Variants in ERCC8 observed in about 807,000 individuals in gnomAD.
The protein encoded by ERCC8 is ERCC excision repair 8, CSA ubiquitin ligase complex subunit, also known as DNA excision repair protein ERCC-8.
Under a neutral mutation model 54.9 loss-of-function variants are expected in ERCC8, and 52 were observed. The observed-to-expected ratio is 0.95, with a 90% CI of 0.76 to 1.19. The LOEUF is 1.19. ERCC8 is among the 50% of genes most tolerant of loss of function. The pLI, the probability that ERCC8 is intolerant of heterozygous loss-of-function variation, is 0.00. For missense variants in ERCC8, 514 were observed against 466.1 expected, an observed-to-expected ratio of 1.10 and a Z score of -0.95; for synonymous variants, 146 against 157.2, an observed-to-expected ratio of 0.93 and a Z score of 0.53.
At chr5:60,892,812 AC>A in intron 9 of ERCC8, 1 of 678,314 alleles carries the variant, frequency 1.5e-6, no homozygotes. Context: ...GAATTTCGTG[AC>A]CCCAGGAATG....
chr5:60,919,352 T>C (rs1005901046), intron 3 of ERCC8: 2 of 151,972 alleles, frequency 1.3e-5, no homozygotes, highest in Admixed American at 6.6e-5. Flanking sequence ...TCTCCAATCT[T>C]GTATATGTTT....
At chr5:60,903,259 TAA>T (rs2112492186) in intron 6 of ERCC8, 1 of 176,812 alleles carries the variant, frequency 5.7e-6, no homozygotes, top group African/African-American at 2.4e-5. Flanking sequence ...TATATTTTTC[TAA>T]AATATTTTTA....
rs192121709 is a variant in ERCC8 at position 60,912,650 on chromosome 5, G to A, written c.399+5615C>T. On this transcript the variant is annotated intron_variant, in intron 4 of 11. Coordinates refer to ENST00000676185, the MANE Select transcript of ERCC8 (RefSeq NM_000082.4). ...TATGTTAAATAGGAGTGGTGAGAGA[G>A]GGCATCCCTGTCTTGTGCCAGTTTT... Among the ~76,000 whole-genome samples, 1,108 of 152,222 alleles carry A rather than the reference G, an allele frequency of 7.3e-3. 19 individuals carry two copies. The highest frequency in any genetic ancestry group is 0.026 in the African/African-American group (1,062 of 41,490).
chr5:60,872,702 C>A lies in ERCC8; in HGVS notation c.*1913G>T, dbSNP rs759417554. On this transcript the variant is annotated 3_prime_UTR_variant, in exon 12 of 12. Coordinates refer to ENST00000676185, the MANE Select transcript of ERCC8 (RefSeq NM_000082.4). ...TATTGTGAAGAAAAAGGAATTCTTG[C>A]ATATTCTTGGTAGGAATGTAAATTA... 3.9e-5 allele frequency among the ~76,000 whole-genome samples: 6 copies of A among 152,132 alleles called. No individual in the cohort carries two copies. Among genetic ancestry groups the A allele is most frequent in the Non-Finnish European group, 8.8e-5 (6 of 68,014 alleles).
At chr5:60,877,989 TATG>T (rs1748069009) in intron 11 of ERCC8, among the ~76,000 whole-genome samples, 1 of 152,230 alleles carries the variant, frequency 6.6e-6, no homozygotes, top group African/African-American at 2.4e-5. Context: ...GCCCATTCAG[TATG>T]ATATTGGCTG....
intron 4 of ERCC8, among the ~76,000 whole-genome samples, chr5:60,905,495 A>G (rs1457713110): frequency 6.6e-6 from 1 of 152,154 alleles, no homozygotes; most frequent in Non-Finnish European, 1.5e-5. Flanking sequence ...ACTTGTCAAG[A>G]CTTCACCCTG....
intron 11 of ERCC8, among the ~76,000 whole-genome samples, chr5:60,880,197 A>T (rs1015333748): frequency 1.3e-5 from 2 of 151,992 alleles, no homozygotes; most frequent in Admixed American, 1.3e-4. Context: ...ATTGGCCCCC[A>T]CTCTCTTCTG....
chr5:60,907,410 T>C (rs1415496998), intron 4 of ERCC8: 2 of 149,014 alleles, frequency 1.3e-5, no homozygotes, highest in Non-Finnish European at 2.9e-5. Context: ...TGGTGTGCAG[T>C]GGCACGATCT....
chr5:60,897,560 A>G (rs1748756666), intron 9 of ERCC8, among the ~76,000 whole-genome samples: 1 of 152,206 alleles, frequency 6.6e-6, no homozygotes, highest in Non-Finnish European at 1.5e-5. Context: ...AAATTATTAA[A>G]CCATAGGCAT....
rs749293950 is a variant in ERCC8 at position 60,888,964 on chromosome 5, T to C, written c.1042-1444A>G. On this transcript the variant is annotated intron_variant, in intron 10 of 11. Coordinates refer to ENST00000676185, the MANE Select transcript of ERCC8 (RefSeq NM_000082.4). ...AAAAATCACATGCTGCACTTAGTCG[T>C]CAAGTCTCTTTAGTTTTCAAGCTGG... Among the ~76,000 whole-genome samples, 154 of 152,220 alleles carry C rather than the reference T, an allele frequency of 1.0e-3. 1 individual carries two copies. The highest frequency in any genetic ancestry group is 3.7e-3 in the Admixed American group (57 of 15,286).
At chr5:60,932,272 C>T (rs1373297825) in intron 1 of ERCC8, 1 of 152,192 alleles carries the variant, frequency 6.6e-6, no homozygotes, top group African/African-American at 2.4e-5. Context: ...GAGACGGCTA[C>T]CCTTAAAAAG....
intron 11 of ERCC8, among the ~76,000 whole-genome samples, chr5:60,878,588 G>C (rs572152878): frequency 2.0e-5 from 3 of 152,088 alleles, no homozygotes; most frequent in Non-Finnish European, 2.9e-5. Context: ...CTTCTTCCTC[G>C]TTTAGTCTTG....
At position 60,873,289 on chromosome 5, in the gene ERCC8, A is replaced by C. The variant is rs1055705266; in HGVS notation, c.*1326T>G. ...GTAAATACATACAATTTTATCTGCCAATTGGAAAAAAAAATCAATTGTAAA... is the reference window on the plus strand; with the variant it reads ...GTAAATACATACAATTTTATCTGCCCATTGGAAAAAAAAATCAATTGTAAA... On this transcript the variant is annotated 3_prime_UTR_variant, in exon 12 of 12. Coordinates refer to ENST00000676185, the MANE Select transcript of ERCC8 (RefSeq NM_000082.4). Among the ~76,000 whole-genome samples the C allele has an allele frequency of 3.9e-4, 59 of 152,296 alleles. No individual in the cohort carries two copies. Among genetic ancestry groups the C allele is most frequent in the Middle Eastern group, 3.4e-3 (1 of 294 alleles).
In ERCC8 at chr5:60,880,914, C is replaced by T. The variant is rs907337715; in HGVS notation, c.1123-6231G>A. Among the ~76,000 whole-genome samples the T allele has an allele frequency of 5.3e-5, 8 of 152,302 alleles. 1 individual carries two copies. The highest frequency in any genetic ancestry group is 6.5e-5 in the Admixed American group (1 of 15,302). Reference sequence around the variant, plus strand: ...TTGTTCTGTTGCTGGTGAGGAGCTGCGTTCCTTTGGAGGAGGAGAGGTGCT... The same window carrying T: ...TTGTTCTGTTGCTGGTGAGGAGCTGTGTTCCTTTGGAGGAGGAGAGGTGCT... On this transcript the variant is annotated intron_variant, in intron 11 of 11. Transcript: ENST00000676185.
chr5:60,875,067 C>T (rs182646370), intron 11 of ERCC8, among the ~76,000 whole-genome samples: 3 of 152,196 alleles, frequency 2.0e-5, no homozygotes, highest in Non-Finnish European at 4.4e-5. Flanking sequence ...TCCAGGTGTA[C>T]AGTCTGACCT....
intron 4 of ERCC8, among the ~76,000 whole-genome samples, chr5:60,908,603 C>T (rs1749151868): frequency 6.9e-6 from 1 of 145,018 alleles, no homozygotes. Flanking sequence ...TAAATAATGG[C>T]TTTGTCAAGA....
chr5:60,905,990 G>T (rs1464716301), intron 4 of ERCC8, among the ~76,000 whole-genome samples: 1 of 152,120 alleles, frequency 6.6e-6, no homozygotes, highest in African/African-American at 2.4e-5. Context: ...GGCCACAGGG[G>T]CAGTTGGCAG....
chr5:60,885,825 C>A (rs958914990), intron 11 of ERCC8, among the ~76,000 whole-genome samples: 4 of 152,090 alleles, frequency 2.6e-5, no homozygotes, highest in African/African-American at 9.7e-5. Context: ...CTGTGAGATG[C>A]TATCAACCAC....
chr5:60,910,022 T>C (rs1749210951), intron 4 of ERCC8: 2 of 152,120 alleles, frequency 1.3e-5, no homozygotes, highest in African/African-American at 4.8e-5. Context: ...ACATACAAAG[T>C]TGTGTTAATT....
Sources: allele counts gnomAD v4.1 joint callset (sites outside exome capture counted in the v4.1 genomes callset), GRCh38; gene constraint gnomAD v4.1.1; transcripts MANE v1.5; gene names NCBI Gene and HGNC (gene_info 2026-07-23, HGNC 2026-07-21).